Variants in TMPRSS3 observed in about 807,000 individuals in gnomAD.
TMPRSS3 encodes the protein transmembrane protease serine 3.
In TMPRSS3, 55 loss-of-function variants were observed where a neutral mutation model predicts 59.6. The ratio of observed to expected loss-of-function variants is 0.92; its 90% confidence interval spans 0.74 to 1.16. TMPRSS3 has a LOEUF of 1.16. TMPRSS3 is among the 50% of genes most tolerant of loss of function. TMPRSS3 has a pLI of 0.00. For synonymous variants in TMPRSS3, 257 were observed against 237.7 expected (o/e 1.08, Z -0.75); for missense variants, 596 against 579.4 (o/e 1.03, Z -0.29).
At chr21:42,379,484 C>T (rs549482257) in intron 10 of TMPRSS3, among the ~76,000 whole-genome samples, 38 of 152,280 alleles carry the variant, frequency 2.5e-4, no homozygotes, top group African/African-American at 7.9e-4. Flanking sequence ...TTTTAAGCCA[C>T]GCAGACTGTG....
At chr21:42,393,317 C>T (rs931308396) in intron 2 of TMPRSS3, among the ~76,000 whole-genome samples, 1 of 152,140 alleles carries the variant, frequency 6.6e-6, no homozygotes, top group Non-Finnish European at 1.5e-5. Context: ...TAACTACATG[C>T]CAACTTCACA....
intron 10 of TMPRSS3, among the ~76,000 whole-genome samples, chr21:42,377,297 C>T (rs1039920817): frequency 4.6e-5 from 7 of 152,310 alleles, no homozygotes; most frequent in South Asian, 2.1e-4. Context: ...GCTGTGACGA[C>T]AGAGCAGGGA....
In TMPRSS3 at chr21:42,376,673, G is replaced by C. The variant is rs199751071; in HGVS notation, c.1059C>G (p.Ser353=). The C allele has an allele frequency of 6.2e-7, 1 of 1,614,082 alleles. No homozygotes were observed. The highest frequency in any genetic ancestry group is 2.2e-5 in the East Asian group (1 of 44,880). ...WGATEDGGDA[S]PVLNHAAVPL... ...GGACGGCCGCGTGGTTCAGGACAGGGGAGGCGTCACCTGCTTCAAAGTGAG... is the reference window on the plus strand; with the variant it reads ...GGACGGCCGCGTGGTTCAGGACAGGCGAGGCGTCACCTGCTTCAAAGTGAG... The change falls in exon 11 of 13, where the codon TCC becomes TCG. Residue 353 remains serine, a synonymous_variant. Transcript: ENST00000644384.
intron 12 of TMPRSS3, among the ~76,000 whole-genome samples, chr21:42,373,614 T>G (rs225310): frequency 0.46 from 69,225 of 152,068 alleles, 16,215 homozygotes; most frequent in Non-Finnish European, 0.5. Context: ...TTAACAAACA[T>G]CCTGAGAGAG....
Position 42,385,516 on chromosome 21 carries a change from G to A in TMPRSS3, c.465C>T (p.Asn155=). ...LGFPSYVSSD[N]LRVSSLEGQF... ...GCCCCTCCAGCGAGCTCACTCTGAG[G>A]TTATCTGAACTCACATAGCTGCAAG... The change falls in exon 6 of 13, where the codon AAC becomes AAT. Residue 155 remains asparagine, a synonymous_variant. Coordinates refer to ENST00000644384, the MANE Select transcript of TMPRSS3 (RefSeq NM_001256317.3). 1 of 1,614,164 alleles carries A rather than the reference G, an allele frequency of 6.2e-7. No individual in the cohort carries two copies. Among genetic ancestry groups the A allele is most frequent in the East Asian group, 2.2e-5 (1 of 44,872 alleles).
In TMPRSS3 at chr21:42,380,105, C is replaced by T; in HGVS notation, c.1048+12G>A. The T allele has an allele frequency of 1.9e-6, 3 of 1,610,972 alleles. No individual in the cohort carries two copies. Among genetic ancestry groups the T allele is most frequent in the Non-Finnish European group, 2.5e-6 (3 of 1,177,424 alleles). On this transcript the variant is annotated intron_variant, in intron 10 of 12. Transcript: ENST00000644384. ...GCCCCTGGACTCCGAATCTTGGCTT[C>T]AGCCCACTGACCTCCATCCTCTGTG...
In TMPRSS3 at chr21:42,372,053, G is replaced by A. The variant is rs1259529018; in HGVS notation, c.*709C>T. The A allele has an allele frequency of 4.4e-6, 2 of 454,380 alleles. No individual in the cohort carries two copies. Among genetic ancestry groups the A allele is most frequent in the South Asian group, 3.1e-5 (2 of 64,482 alleles). 28.1% of individuals were successfully genotyped at this position (454,380 alleles called of 1,614,324 possible). The stretch of plus-strand genomic sequence containing the variant: ...AGTAGAAAGGGTGGGTTTGGTTCTG[G>A]TCCCTAGAGATGAAAACGTGCAGTG... On this transcript the variant is annotated 3_prime_UTR_variant, in exon 13 of 13. Coordinates refer to ENST00000644384, the MANE Select transcript of TMPRSS3 (RefSeq NM_001256317.3).
chr21:42,380,831 G>T (rs1055205383), intron 9 of TMPRSS3, among the ~76,000 whole-genome samples: 4 of 152,258 alleles, frequency 2.6e-5, no homozygotes, highest in African/African-American at 7.2e-5. Flanking sequence ...CACACCCTGA[G>T]GTTCCCCGAG....
At position 42,388,734 on chromosome 21, in the gene TMPRSS3, A is replaced by G. The variant is rs1334248558; in HGVS notation, c.322+195T>C. Reference sequence around the variant, plus strand: ...TCTTATTGCTTATGTGGTCTCCCCAAGAGAGCCAGAGCTCCATGGAAGGCC... The same window carrying G: ...TCTTATTGCTTATGTGGTCTCCCCAGGAGAGCCAGAGCTCCATGGAAGGCC... On this transcript the variant is annotated intron_variant, in intron 4 of 12. Transcript: ENST00000644384. The surrounding 1 kb of genome is among the most constrained non-coding windows in gnomAD (Gnocchi z 5.1). Among the ~76,000 whole-genome samples, 1 of 152,156 alleles carries G rather than the reference A, an allele frequency of 6.6e-6. No individual in the cohort carries two copies. The highest frequency in any genetic ancestry group is 2.4e-5 in the African/African-American group (1 of 41,432).
rs142577467 is a variant in TMPRSS3 at position 42,388,504 on chromosome 21, G to A, written c.345C>T (p.Ala115=). 58 of 1,614,082 alleles carry A rather than the reference G, an allele frequency of 3.6e-5. No individual in the cohort carries two copies. The highest frequency in any genetic ancestry group is 2.5e-4 in the African/African-American group (19 of 74,918). The change falls in exon 5 of 13, where the codon GCC becomes GCT. Residue 115 remains alanine (A), a synonymous_variant. Coordinates refer to ENST00000644384, the MANE Select transcript of TMPRSS3 (RefSeq NM_001256317.3). The surrounding 1 kb of genome is among the most constrained non-coding windows in gnomAD (Gnocchi z 5.1). ...AAGCAGCTGTGAACACCTGGAGCACGGCATTCTGACCACCCACCCGGACTG... is the reference window on the plus strand; with the variant it reads ...AAGCAGCTGTGAACACCTGGAGCACAGCATTCTGACCACCCACCCGGACTG... ...YRCVRVGGQN[A]VLQVFTAASW...
rs755667543 is a variant in TMPRSS3, at chr21:42,380,184, G to A, written c.981C>T (p.Asn327=). The change falls in exon 10 of 13, where the codon AAC becomes AAT. Residue 327 remains asparagine, a synonymous_variant. Transcript: ENST00000644384. ...TTCCATCGGGGAAGTTCTCTTCAGA[G>A]TTGGGCAGGCACACAGGCTGGATCA... The part of the protein sequence containing the change: ...NEMIQPVCLP[N]SEENFPDGKV... 7 of 1,614,178 alleles carry A rather than the reference G, an allele frequency of 4.3e-6. No homozygotes were observed. The highest frequency in any genetic ancestry group is 5.9e-6 in the Non-Finnish European group (7 of 1,180,020).
In TMPRSS3 at chr21:42,389,972, T is replaced by A; in HGVS notation, c.160A>T (p.Ile54Phe). Residue 54 changes from isoleucine (I) to phenylalanine (F), a missense_variant, in exon 3 of 13, where the codon ATT (isoleucine) becomes TTT (phenylalanine). Ile to Phe is a conservative substitution (Grantham distance 21). Coordinates refer to ENST00000644384, the MANE Select transcript of TMPRSS3 (RefSeq NM_001256317.3). ...GCTAATATCAATGCAATGATCCCAA[T>A]GACGATGATTGGAAAAAACTTCAAT... is the stretch of plus-strand genomic sequence containing the variant. ...LPLKFFPIIV[I>F]GIIALILALA... 1 of 1,614,102 alleles carries A rather than the reference T, an allele frequency of 6.2e-7. No individual in the cohort carries two copies. The highest frequency in any genetic ancestry group is 2.2e-5 in the East Asian group (1 of 44,882).
At chr21:42,394,928 C>T (rs1323038498) in intron 2 of TMPRSS3, among the ~76,000 whole-genome samples, 2 of 152,232 alleles carry the variant, frequency 1.3e-5, no homozygotes, top group Non-Finnish European at 2.9e-5. Flanking sequence ...ATCTAGGCCT[C>T]TAATATCTTT....
Position 42,388,289 on chromosome 21 carries a change from T to C in TMPRSS3, c.446+114A>G. 1 of 1,405,960 alleles carries C rather than the reference T, an allele frequency of 7.1e-7. No homozygotes were observed. Among genetic ancestry groups the C allele is most frequent in the Non-Finnish European group, 1.0e-6 (1 of 997,574 alleles). The allele number at this position is 1,405,960 out of a possible 1,614,324, so 87.1% of individuals were successfully genotyped here. A position where few individuals can be genotyped will look rare whatever the true frequency, so the allele number is the denominator to read the frequency against. ...GGGCATCCTAAGGTGGATGTGAGGA[T>C]GTAATCTGAGAGCGTTAAAGCACCC... is the stretch of plus-strand genomic sequence containing the variant. On this transcript the variant is annotated intron_variant, in intron 5 of 12. Transcript: ENST00000644384. This position sits in a 1 kb window ranked among gnomAD's most constrained non-coding sequence, Gnocchi z 5.1.
intron 7 of TMPRSS3, chr21:42,383,407 GA>G (rs2052570122): frequency 1.6e-6 from 1 of 618,768 alleles, no homozygotes; most frequent in Admixed American, 2.7e-5. Context: ...GGGTGCTGTG[GA>G]GGATGCGGTG....
intron 2 of TMPRSS3, among the ~76,000 whole-genome samples, chr21:42,393,535 A>G (rs1811013511): frequency 6.6e-6 from 1 of 152,242 alleles, no homozygotes; most frequent in Non-Finnish European, 1.5e-5. Context: ...ACTTAGAAGA[A>G]TGGCACTTAT....
chr21:42,378,971 G>A (rs1315183819), intron 10 of TMPRSS3, among the ~76,000 whole-genome samples: 2 of 152,044 alleles, frequency 1.3e-5, no homozygotes, highest in East Asian at 1.9e-4. Flanking sequence ...TGCAACCTCC[G>A]CCTCCTAGGT....
intron 7 of TMPRSS3, 79 bp downstream of exon 7, chr21:42,383,891 G>A (rs2052580209): frequency 6.8e-7 from 1 of 1,467,630 alleles, no homozygotes; most frequent in Non-Finnish European, 9.5e-7. Context: ...CCCATGGGGG[G>A]AGAGGACTCT....
At chr21:42,392,419 G>A (rs907225152) in intron 2 of TMPRSS3, among the ~76,000 whole-genome samples, 3 of 152,218 alleles carry the variant, frequency 2.0e-5, no homozygotes, top group Non-Finnish European at 4.4e-5. Flanking sequence ...GAGGCTGTGA[G>A]GAACGCAGAG....
Sources: gnomAD v4.1 joint callset for allele counts (sites outside exome capture counted in the v4.1 genomes callset) on GRCh38, gnomAD v4.1.1 for gene constraint, Gnocchi (gnomAD v3.1) non-coding constraint, MANE v1.5 for transcripts, NCBI Gene and HGNC (gene_info 2026-07-23, HGNC 2026-07-21) for gene names.